The following TNRC6C variants were observed in gnomAD, a reference collection of about 807,000 sequenced individuals.
The protein encoded by TNRC6C is trinucleotide repeat containing adaptor 6C.
In TNRC6C, 20 loss-of-function variants were observed where a neutral mutation model predicts 153.7. The observed-to-expected ratio is 0.13, with a 90% CI of 0.09 to 0.19. The LOEUF (loss-of-function observed/expected upper bound fraction) is 0.19, where lower values mean the gene tolerates loss of function less well. TNRC6C is among the 10% of genes least tolerant of loss of function. The pLI is 1.00. For missense variants in TNRC6C, 1,987 were observed against 2,172.0 expected (o/e 0.91, Z 1.69); for synonymous variants, 811 against 841.4 (o/e 0.96, Z 0.63).
exon 3 of TNRC6C, chr17:78,050,845 G>A: frequency 6.2e-7 from 1 of 1,613,962 alleles, no homozygotes; most frequent in Non-Finnish European, 8.5e-7. Context: ...CTGGAGTGCA[G>A]GAGGGGGAGA....
chr17:77,985,503 G>C (rs2071150879), intron 1 of TNRC6C, among the ~76,000 whole-genome samples: 1 of 151,752 alleles, frequency 6.6e-6, no homozygotes, highest in Non-Finnish European at 1.5e-5. Flanking sequence ...TCGGGAGGCT[G>C]AGGCAGGAGA....
At position 78,049,695 on chromosome 17, in the gene TNRC6C, T is replaced by A. The variant is rs1277455806; in HGVS notation, c.633T>A (p.Ala211=). The stretch of plus-strand genomic sequence containing the variant: ...ATGGACTGCCAAACTGGGGCATGGC[T>A]GTTGGTATGGGGGCCATCATCCCGC... The change falls in exon 3 of 20, where the codon GCT becomes GCA. Residue 211 remains alanine, a synonymous_variant. Transcript: ENST00000301624. This position sits in a 1 kb window ranked among gnomAD's most constrained non-coding sequence, Gnocchi z 4.1. 6.2e-7 allele frequency: 1 copy of A among 1,607,764 alleles called. No individual in the cohort carries two copies.
intron 1 of TNRC6C, among the ~76,000 whole-genome samples, chr17:78,023,278 A>G (rs2071871450): frequency 6.6e-6 from 1 of 152,240 alleles, no homozygotes; most frequent in Non-Finnish European, 1.5e-5. Context: ...TGGATACTGA[A>G]GGATGACTGT....
chr17:77,986,574 G>T (rs1316876748), intron 1 of TNRC6C, among the ~76,000 whole-genome samples: 2 of 152,076 alleles, frequency 1.3e-5, no homozygotes, highest in Non-Finnish European at 2.9e-5. Context: ...TTCTTTTGGA[G>T]CATGACAATA....
Position 78,006,571 on chromosome 17 carries a change from T to G in TNRC6C, c.-546+1492T>G, listed in dbSNP as rs946649858. Among the ~76,000 whole-genome samples, 11 of 147,288 alleles carry G rather than the reference T, an allele frequency of 7.5e-5. 1 individual carries two copies. Among genetic ancestry groups the G allele is most frequent in the African/African-American group, 2.1e-4 (8 of 38,760 alleles). ...CTTCTTCTTCTTCTTCCTTCTTCCT[T>G]CTTCCTTCTTCTTCCTTCTTCCTTC... is the stretch of plus-strand genomic sequence containing the variant. On this transcript the variant is annotated intron_variant, in intron 1 of 19. Coordinates refer to ENST00000301624, the Ensembl canonical transcript of TNRC6C.
intron 2 of TNRC6C, among the ~76,000 whole-genome samples, chr17:78,042,357 G>GT (rs1319938041): frequency 6.6e-6 from 1 of 152,036 alleles, no homozygotes; most frequent in Non-Finnish European, 1.5e-5. Flanking sequence ...ATTCCTTACT[G>GT]TTTATTAGTT....
chr17:78,040,307 G>C (rs577513717), intron 2 of TNRC6C, among the ~76,000 whole-genome samples: 1 of 152,320 alleles, frequency 6.6e-6, no homozygotes, highest in Admixed American at 6.5e-5. Flanking sequence ...GCTCCAGCTT[G>C]AAACACTTGA....
intron 1 of TNRC6C, among the ~76,000 whole-genome samples, chr17:77,968,420 C>T (rs1413437363): frequency 6.6e-6 from 1 of 152,034 alleles, no homozygotes; most frequent in Non-Finnish European, 1.5e-5. Flanking sequence ...CAGCTCACTG[C>T]AACCTCCGCC....
At chr17:77,968,842 C>T (rs1448594443) in intron 1 of TNRC6C, among the ~76,000 whole-genome samples, 1 of 152,320 alleles carries the variant, frequency 6.6e-6, no homozygotes, top group East Asian at 1.9e-4. Context: ...ATTAGTTTCT[C>T]TTACTTTTTA....
intron 7 of TNRC6C, 140 bp downstream of exon 9, chr17:78,073,234 C>T: frequency 1.7e-6 from 1 of 597,380 alleles, no homozygotes; most frequent in East Asian, 3.2e-5. Context: ...GGCAACCACA[C>T]AACAAGCTGG....
chr17:78,065,984 A>C (rs1028831799), intron 4 of TNRC6C, among the ~76,000 whole-genome samples: 3 of 152,194 alleles, frequency 2.0e-5, no homozygotes, highest in African/African-American at 7.2e-5. Context: ...TAATCTCAGC[A>C]CTTTGGGAGG....
At chr17:78,074,259 A>G (rs894588582) in intron 7 of TNRC6C, among the ~76,000 whole-genome samples, 1 of 152,194 alleles carries the variant, frequency 6.6e-6, no homozygotes, top group African/African-American at 2.4e-5. Context: ...TTACAACCTG[A>G]TATCTGAGGC....
intron 2 of TNRC6C, among the ~76,000 whole-genome samples, chr17:78,039,821 T>C (rs147785803): frequency 1.1e-3 from 164 of 152,344 alleles, no homozygotes; most frequent in African/African-American, 3.8e-3. Context: ...GCATTTCAGC[T>C]GTCAAAGGGC....
intron 1 of TNRC6C, among the ~76,000 whole-genome samples, chr17:78,023,670 G>A (rs566135278): frequency 6.6e-6 from 1 of 152,114 alleles, no homozygotes; most frequent in African/African-American, 2.4e-5. Context: ...GCTGGGCATG[G>A]TGATACACAT....
chr17:78,046,333 A>G (rs2072409660), intron 2 of TNRC6C, among the ~76,000 whole-genome samples: 1 of 151,882 alleles, frequency 6.6e-6, no homozygotes. Flanking sequence ...GGCGTGCACC[A>G]CCACACCCGG....
At chr17:78,005,263 G>A (rs1429354322) in intron 1 of TNRC6C, among the ~76,000 whole-genome samples, 184 bp downstream of exon 3, 2 of 151,814 alleles carry the variant, frequency 1.3e-5, no homozygotes, top group African/African-American at 4.8e-5. Context: ...CATCTCATTG[G>A]TATTTGGTTA....
At chr17:78,025,701 G>A (rs1047627990) in intron 1 of TNRC6C, among the ~76,000 whole-genome samples, 1 of 152,006 alleles carries the variant, frequency 6.6e-6, no homozygotes, top group Non-Finnish European at 1.5e-5. Flanking sequence ...TAACAAATAG[G>A]TTCTGCACCT....
chr17:78,050,120 G>T, exon 3 of TNRC6C: 1 of 1,606,538 alleles, frequency 6.2e-7, no homozygotes, highest in Non-Finnish European at 8.5e-7. Context: ...CATTCCAACA[G>T]TGACATCAAT....
In TNRC6C at chr17:78,063,264, T is replaced by A. The variant is rs145533875; in HGVS notation, c.2396-1458T>A. On this transcript the variant is annotated intron_variant, in intron 3 of 19. Transcript: ENST00000301624. ...TGTCTCCAAAATATATATATATATA[T>A]AAATAATATATATATATGTATAATT... Among the ~76,000 whole-genome samples the A allele has an allele frequency of 2.3e-3, 345 of 147,980 alleles. 3 individuals are homozygous for A. The highest frequency in any genetic ancestry group is 7.9e-3 in the African/African-American group (322 of 40,708).
Sources: gnomAD v4.1 joint callset for allele counts (sites outside exome capture counted in the v4.1 genomes callset) on GRCh38, gnomAD v4.1.1 for gene constraint, Gnocchi (gnomAD v3.1) non-coding constraint, MANE v1.5 for transcripts, NCBI Gene and HGNC (gene_info 2026-07-23, HGNC 2026-07-21) for gene names.